NAALAD2: variants seen among roughly 807,000 people sequenced by gnomAD.
NAALAD2 encodes the protein N-acetylated alpha-linked acidic dipeptidase 2.
A neutral mutation model predicts 95.6 loss-of-function variants in NAALAD2; 89 were observed. The observed-to-expected ratio is 0.93, with a 90% confidence interval of 0.78 to 1.11. NAALAD2 has a LOEUF of 1.11. NAALAD2 is among the 50% of genes least tolerant of loss of function. The probability of loss-of-function intolerance (pLI) is 0.00; values close to 1 mark genes in which losing one functional copy is unlikely to be tolerated. For synonymous variants in NAALAD2, 264 were observed against 294.4 expected (o/e 0.90, Z 1.06); for missense variants, 894 against 872.4 (o/e 1.02, Z -0.31).
At chr11:90,184,895 T>C (rs1591029674) in intron 18 of NAALAD2, among the ~76,000 whole-genome samples, 1 of 152,286 alleles carries the variant, frequency 6.6e-6, no homozygotes, top group East Asian at 1.9e-4. Flanking sequence ...TCTGTACTGA[T>C]TTACAGACCT....
At chr11:90,171,986 AAAAG>A (rs1338499616) in intron 13 of NAALAD2, among the ~76,000 whole-genome samples, 1 of 106,604 alleles carries the variant, frequency 9.4e-6, no homozygotes, top group South Asian at 3.2e-4. Context: ...TCCTGACAAA[AAAAG>A]AAAGAAAAGA....
chr11:90,155,520 CATATTATATATGCT>C (rs1349243341), intron 6 of NAALAD2, among the ~76,000 whole-genome samples: 4 of 106,680 alleles, frequency 3.7e-5, no homozygotes, highest in African/African-American at 7.7e-5. Flanking sequence ...TATATAATTA[CATATTATATATGCT>C]ATATTATATA....
In NAALAD2 at chr11:90,146,961, G is replaced by A. The variant is rs147437069; in HGVS notation, c.195-369G>A. 2.4e-3 allele frequency among the ~76,000 whole-genome samples: 371 copies of A among 152,210 alleles called. 1 individual carries two copies. Among genetic ancestry groups the A allele is most frequent in the Admixed American group, 5.4e-3 (82 of 15,288 alleles). The stretch of plus-strand genomic sequence containing the variant: ...ATGGAAGTGCCCAAGTGGTCCCTGC[G>A]AGAGGTTAAGATCTATTTTTTTTTT... On this transcript the variant is annotated intron_variant, in intron 2 of 18. Coordinates refer to ENST00000534061, the MANE Select transcript of NAALAD2 (RefSeq NM_005467.4).
chr11:90,148,669 T>C (rs1328664432), intron 3 of NAALAD2, among the ~76,000 whole-genome samples: 8 of 152,008 alleles, frequency 5.3e-5, no homozygotes, highest in African/African-American at 1.7e-4. Context: ...GGAAATATTA[T>C]TTAAATAAAG....
chr11:90,177,795 A>C (rs1952846545), intron 15 of NAALAD2, 58 bp from the exon 16 acceptor site: 1 of 1,458,396 alleles, frequency 6.9e-7, no homozygotes, highest in Admixed American at 2.2e-5. Context: ...TTACATAAAA[A>C]TATTATAACT....
chr11:90,191,847 T>C lies in NAALAD2; in HGVS notation c.*100T>C, dbSNP rs1857338128. Reference sequence around the variant, plus strand: ...GAAGCCAGGGTGTTCTAAACTCTTTTCATGTCATGTTTTGATTATAGGCTT... The same window carrying C: ...GAAGCCAGGGTGTTCTAAACTCTTTCCATGTCATGTTTTGATTATAGGCTT... On this transcript the variant is annotated 3_prime_UTR_variant, in exon 19 of 19. Coordinates refer to ENST00000534061, the MANE Select transcript of NAALAD2 (RefSeq NM_005467.4). 3 of 919,662 alleles carry C rather than the reference T, an allele frequency of 3.3e-6. No individual in the cohort carries two copies. The highest frequency in any genetic ancestry group is 1.7e-5 in the African/African-American group (1 of 58,496). 57.0% of individuals were successfully genotyped at this position (919,662 alleles called of 1,614,324 possible).
chr11:90,174,485 A>G (rs992748052), intron 14 of NAALAD2, among the ~76,000 whole-genome samples: 14 of 152,262 alleles, frequency 9.2e-5, no homozygotes, highest in African/African-American at 3.4e-4. Flanking sequence ...ATTAGTTGGC[A>G]TTCTTGCTTA....
At chr11:90,135,789 T>A in intron 2 of NAALAD2, 119 bp downstream of exon 2, 1 of 706,148 alleles carries the variant, frequency 1.4e-6, no homozygotes, top group Non-Finnish European at 2.1e-6. Context: ...TACATATTAG[T>A]CATCAACTTT....
chr11:90,147,472 A>T lies in NAALAD2; in HGVS notation c.337A>T (p.Thr113Ser), dbSNP rs1377304392. The change falls in exon 3 of 19, where the codon ACA (threonine) becomes TCA (serine). Residue 113 changes from threonine (T) to serine (S), a missense_variant. Transcript: ENST00000534061. ...TGTCCTCTTATCTTACCCCAATGAG[A>T]CAAATGCCAACTATATATCGATTGT... ...YDVLLSYPNE[T>S]NANYISIVDE... 1 of 1,613,268 alleles carries T rather than the reference A, an allele frequency of 6.2e-7. No homozygotes were observed. The highest frequency in any genetic ancestry group is 1.7e-5 in the Admixed American group (1 of 59,892).
chr11:90,181,580 A>G (rs1459164670), intron 16 of NAALAD2, 40 bp from the exon 17 acceptor site: 1 of 1,393,622 alleles, frequency 7.2e-7, no homozygotes, highest in Non-Finnish European at 1.0e-6. Context: ...CCTCTGAAAT[A>G]TGAGCTAATT....
chr11:90,169,292 T>C (rs1043746170), intron 12 of NAALAD2: 5 of 190,274 alleles, frequency 2.6e-5, no homozygotes, highest in Non-Finnish European at 4.8e-5. Flanking sequence ...TAACCACATA[T>C]TTTCTCGATA....
chr11:90,143,151 T>C (rs1951665197), intron 2 of NAALAD2, among the ~76,000 whole-genome samples: 1 of 152,168 alleles, frequency 6.6e-6, no homozygotes, highest in African/African-American at 2.4e-5. Flanking sequence ...TAGTATTTCA[T>C]GTTTCTTAGG....
chr11:90,182,520 C>G (rs879432805), intron 17 of NAALAD2, among the ~76,000 whole-genome samples: 1 of 152,096 alleles, frequency 6.6e-6, no homozygotes, highest in Non-Finnish European at 1.5e-5. Flanking sequence ...TTCATTCACT[C>G]TTTGTTGTCC....
chr11:90,157,570 G>C (rs1293510922), intron 6 of NAALAD2, among the ~76,000 whole-genome samples: 2 of 151,994 alleles, frequency 1.3e-5, no homozygotes, highest in Non-Finnish European at 2.9e-5. Flanking sequence ...AGAGATCCTT[G>C]AGGAAATAAA....
chr11:90,150,346 C>A, intron 4 of NAALAD2, 136 bp from the exon 5 acceptor site: 10 of 384,822 alleles, frequency 2.6e-5, no homozygotes, highest in East Asian at 8.2e-5. Context: ...TGCATAATTA[C>A]TGTGGGTCTG....
intron 14 of NAALAD2, 26 bp from the exon 15 acceptor site, chr11:90,175,946 G>GTGTGTA (rs1952777833): frequency 1.5e-6 from 2 of 1,353,974 alleles, no homozygotes; most frequent in African/African-American, 1.4e-5. Context: ...GTGTGTGTGT[G>GTGTGTA]TGTGTGGATT....
At chr11:90,184,248 G>A (rs1025394311) in intron 18 of NAALAD2, among the ~76,000 whole-genome samples, 3 of 151,986 alleles carry the variant, frequency 2.0e-5, no homozygotes, top group Non-Finnish European at 4.4e-5. Flanking sequence ...ATAATTACAA[G>A]CATACGCTTT....
At chr11:90,147,238 C>A in intron 2 of NAALAD2, 92 bp from the exon 3 acceptor site, 2 of 967,904 alleles carry the variant, frequency 2.1e-6, no homozygotes, top group Non-Finnish European at 3.1e-6. Flanking sequence ...CAACTTAATG[C>A]CCAATGCATA....
intron 11 of NAALAD2, 111 bp from the exon 12 acceptor site, chr11:90,168,818 A>C (rs1952552129): frequency 1.2e-6 from 1 of 819,426 alleles, no homozygotes; most frequent in African/African-American, 1.7e-5. Flanking sequence ...TAGCTATTTA[A>C]TTGTGAAAGA....
Sources: allele counts gnomAD v4.1 joint callset (sites outside exome capture counted in the v4.1 genomes callset), GRCh38; gene constraint gnomAD v4.1.1; transcripts MANE v1.5; gene names NCBI Gene and HGNC (gene_info 2026-07-23, HGNC 2026-07-21).